Variants in PLCE1 observed in about 807,000 individuals in gnomAD.
PLCE1 encodes phospholipase C epsilon 1.
Under a neutral mutation model 242.8 loss-of-function variants are expected in PLCE1, and 119 were observed. The observed-to-expected ratio is 0.49, with a 90% confidence interval of 0.42 to 0.57. The LOEUF (loss-of-function observed/expected upper bound fraction) is 0.57, where lower values mean the gene tolerates loss of function less well. Ranked by LOEUF, PLCE1 falls within the 20% of genes least tolerant of loss-of-function variation. The pLI, the probability that PLCE1 is intolerant of heterozygous loss-of-function variation, is 0.00. For missense variants in PLCE1, 2,441 were observed against 2,788.8 expected (o/e 0.88, Z 2.81); for synonymous variants, 945 against 1,017.4 (o/e 0.93, Z 1.35).
Position 94,055,968 on chromosome 10 carries a change from C to T in PLCE1, c.1206+23716C>T, listed in dbSNP as rs774890214. Among the ~76,000 whole-genome samples the T allele has an allele frequency of 1.1e-3, 170 of 152,072 alleles. 2 individuals are homozygous for T. The highest frequency in any genetic ancestry group is 5.8e-4 in the East Asian group (3 of 5,166). On this transcript the variant is annotated intron_variant, in intron 2 of 32. Transcript: ENST00000371380. ...AGAGTGCTTGTATCACTGTTGTGGT[C>T]GTATGTTAATTTGAATGGTCAAAGG...
At chr10:94,029,156 G>A (rs2061507183) in intron 1 of PLCE1, among the ~76,000 whole-genome samples, 1 of 152,030 alleles carries the variant, frequency 6.6e-6, no homozygotes, top group Non-Finnish European at 1.5e-5. Context: ...AAAGTCCTTA[G>A]AACAGGACCT....
rs1564856333 is a variant in PLCE1, at chr10:94,279,847, C to T, written c.4731C>T (p.Ala1577=). Residue 1577 remains alanine (A), a synonymous_variant, in exon 20 of 33, where the codon GCC becomes GCT. Coordinates refer to ENST00000371380, the MANE Select transcript of PLCE1 (RefSeq NM_016341.4). ...YNGGNANPRP[A]NNEEEEDEED... ...GTGGGAATGCCAACCCCCGACCTGC[C>T]AATAATGAGGAAGAGGAAGATGAGG... 2 of 1,613,310 alleles carry T rather than the reference C, an allele frequency of 1.2e-6. No homozygotes were observed. The highest frequency in any genetic ancestry group is 1.7e-6 in the Non-Finnish European group (2 of 1,179,414).
intron 4 of PLCE1, among the ~76,000 whole-genome samples, chr10:94,175,040 A>G (rs1306818697): frequency 6.6e-6 from 1 of 152,164 alleles, no homozygotes; most frequent in Non-Finnish European, 1.5e-5. Flanking sequence ...TGTAAATCTA[A>G]AATTACTTCA....
In PLCE1 at chr10:94,031,807, A is replaced by G; in HGVS notation, c.761A>G (p.Asp254Gly). 1.9e-6 allele frequency: 3 copies of G among 1,613,808 alleles called. No homozygotes were observed. Among genetic ancestry groups the G allele is most frequent in the Non-Finnish European group, 2.5e-6 (3 of 1,179,862 alleles). The change falls in exon 2 of 33, where the codon GAT becomes GGT. Residue 254 changes from aspartate (D) to glycine (G), a missense_variant. Transcript: ENST00000371380. ...AATAAGAATGAGCAGCTGCAGTGTG[A>G]TCATTGTGACACCTTGAATGATAAA... Reference protein sequence around the residue: ...CDNKNEQLQCDHCDTLNDKYF... With the variant: ...CDNKNEQLQCGHCDTLNDKYF...
At chr10:94,291,072 T>A (rs1343468818) in intron 22 of PLCE1, among the ~76,000 whole-genome samples, 1 of 152,200 alleles carries the variant, frequency 6.6e-6, no homozygotes, top group Admixed American at 6.5e-5. Flanking sequence ...AGGGAGTTGA[T>A]TTCAAAGCTT....
At chr10:94,252,688 T>C (rs1031771812) in intron 9 of PLCE1, among the ~76,000 whole-genome samples, 190 bp downstream of exon 9, 6 of 151,884 alleles carry the variant, frequency 4.0e-5, no homozygotes, top group Non-Finnish European at 8.8e-5. Context: ...AAAGACAAGG[T>C]CCGCAGAAGG....
intron 1 of PLCE1, among the ~76,000 whole-genome samples, chr10:93,998,087 T>C (rs947682658): frequency 1.3e-5 from 2 of 152,230 alleles, no homozygotes; most frequent in Non-Finnish European, 2.9e-5. Context: ...GTCGGAAGTC[T>C]TTCTAGGGAA....
At chr10:94,085,925 A>T (rs2044807360) in intron 2 of PLCE1, among the ~76,000 whole-genome samples, 1 of 152,238 alleles carries the variant, frequency 6.6e-6, no homozygotes, top group South Asian at 2.1e-4. Flanking sequence ...GCCAAATAAT[A>T]ATACAATTTT....
At position 94,322,067 on chromosome 10, in the gene PLCE1, C is replaced by T; in HGVS notation, c.6501+8C>T. On this transcript the variant is annotated splice_region_variant and intron_variant, in intron 30 of 32. Transcript: ENST00000371380. ...CAGGATGTCATTCAGCAGGTAAAAG[C>T]CTCTCCCTTCCTCACCTGAGTCCTT... 1 of 1,612,938 alleles carries T rather than the reference C, an allele frequency of 6.2e-7. No individual in the cohort carries two copies. Among genetic ancestry groups the T allele is most frequent in the South Asian group, 1.1e-5 (1 of 91,048 alleles).
At chr10:94,137,875 C>T (rs2046834873) in intron 3 of PLCE1, 1 of 295,728 alleles carries the variant, frequency 3.4e-6, no homozygotes. Flanking sequence ...ACTACAGTCT[C>T]CACTGAAAAA....
At chr10:94,053,531 C>T (rs567253403) in intron 2 of PLCE1, among the ~76,000 whole-genome samples, 2 of 152,264 alleles carry the variant, frequency 1.3e-5, no homozygotes, top group African/African-American at 4.8e-5. Context: ...GCCTGCTGGC[C>T]GGAGGGAGCA....
chr10:94,236,329 C>T (rs2050322849), intron 7 of PLCE1, among the ~76,000 whole-genome samples: 1 of 151,902 alleles, frequency 6.6e-6, no homozygotes, highest in Non-Finnish European at 1.5e-5. Flanking sequence ...AAAATTACTG[C>T]TCATAATTTA....
chr10:94,293,761 G>C, intron 23 of PLCE1, 122 bp downstream of exon 23: 1 of 1,148,724 alleles, frequency 8.7e-7, no homozygotes, highest in Non-Finnish European at 1.3e-6. Context: ...AATATTGTCT[G>C]AGTATAGTAT....
At chr10:94,241,884 T>C (rs1213225609) in intron 7 of PLCE1, among the ~76,000 whole-genome samples, 1 of 151,812 alleles carries the variant, frequency 6.6e-6, no homozygotes, top group Non-Finnish European at 1.5e-5. Context: ...GTGCAAAGAA[T>C]TGGTCTTCCT....
intron 1 of PLCE1, among the ~76,000 whole-genome samples, chr10:94,029,191 C>T (rs1222044182): frequency 6.6e-6 from 1 of 152,102 alleles, no homozygotes; most frequent in Non-Finnish European, 1.5e-5. Flanking sequence ...ATGTTTTCCC[C>T]TTCTCCTCCT....
intron 2 of PLCE1, among the ~76,000 whole-genome samples, chr10:94,083,379 AG>A (rs1234833385): frequency 2.6e-5 from 4 of 152,358 alleles, no homozygotes; most frequent in South Asian, 4.1e-4. Context: ...CGTTTTCATC[AG>A]CCCATTTTTT....
At chr10:94,030,102 A>C (rs560141612) in intron 1 of PLCE1, among the ~76,000 whole-genome samples, 51 of 152,326 alleles carry the variant, frequency 3.3e-4, no homozygotes, top group African/African-American at 1.1e-3. Flanking sequence ...TGAAGTTGAC[A>C]GTAGTTTTTC....
chr10:94,249,425 T>TAAAA (rs56780364), intron 8 of PLCE1, among the ~76,000 whole-genome samples: 1 of 148,948 alleles, frequency 6.7e-6, no homozygotes, highest in Non-Finnish European at 1.5e-5. Flanking sequence ...GCCCTAAAGT[T>TAAAA]AAAAAAAAAA....
intron 22 of PLCE1, 33 bp downstream of exon 22, chr10:94,284,998 A>T: frequency 8.6e-7 from 1 of 1,167,996 alleles, no homozygotes; most frequent in Non-Finnish European, 1.3e-6. Flanking sequence ...ATAACTTTTA[A>T]AGATATCAAA....
Sources: allele counts gnomAD v4.1 joint callset (sites outside exome capture counted in the v4.1 genomes callset), GRCh38; gene constraint gnomAD v4.1.1; transcripts MANE v1.5; gene names NCBI Gene and HGNC (gene_info 2026-07-23, HGNC 2026-07-21).